Variants in PRDM16 observed in about 807,000 individuals in gnomAD.
The protein encoded by PRDM16 is histone-lysine N-methyltransferase PRDM16.
PRDM16 carries 23 observed loss-of-function variants against 110.6 expected under a neutral mutation model. That is an observed-to-expected ratio of 0.21 (90% CI 0.15 to 0.29). The LOEUF (loss-of-function observed/expected upper bound fraction) is 0.29, where lower values mean the gene tolerates loss of function less well. Among genes scored for constraint, PRDM16 ranks in the 10% least tolerant of loss-of-function variants. The pLI, the probability that PRDM16 is intolerant of heterozygous loss-of-function variation, is 1.00. For missense variants in PRDM16, 1,615 were observed against 1,794.3 expected (o/e 0.90, Z 1.81); for synonymous variants, 799 against 781.8 (o/e 1.02, Z -0.37).
At chr1:3,388,128 C>T (rs1390003442) in intron 4 of PRDM16, among the ~76,000 whole-genome samples, 1 of 152,256 alleles carries the variant, frequency 6.6e-6, no homozygotes, top group Non-Finnish European at 1.5e-5. Context: ...AACAACTTCT[C>T]TTTGAGAAGG....
chr1:3,237,250 C>G (rs545791319), intron 2 of PRDM16, among the ~76,000 whole-genome samples: 2 of 152,054 alleles, frequency 1.3e-5, no homozygotes, highest in Non-Finnish European at 2.9e-5. Flanking sequence ...AGAGCTCCCC[C>G]CAGGCTTCCC....
At chr1:3,131,403 G>A (rs970346081) in intron 1 of PRDM16, among the ~76,000 whole-genome samples, 3 of 152,180 alleles carry the variant, frequency 2.0e-5, no homozygotes, top group African/African-American at 7.2e-5. Flanking sequence ...AATGTGAGGC[G>A]GCTGTCCATT....
chr1:3,257,807 G>A (rs183360350), intron 3 of PRDM16, among the ~76,000 whole-genome samples: 20 of 152,262 alleles, frequency 1.3e-4, no homozygotes, highest in African/African-American at 4.1e-4. Context: ...CCGCACAGTC[G>A]GAGGGCTGAT....
chr1:3,170,873 T>C (rs1435298003), intron 1 of PRDM16, among the ~76,000 whole-genome samples: 1 of 152,210 alleles, frequency 6.6e-6, no homozygotes. Context: ...GCCTTCTCTG[T>C]CTGCAGCAGC....
At chr1:3,076,493 C>T (rs1430490348) in intron 1 of PRDM16, among the ~76,000 whole-genome samples, 1 of 152,204 alleles carries the variant, frequency 6.6e-6, no homozygotes, top group Non-Finnish European at 1.5e-5. Context: ...TCAGGGAAAG[C>T]GTCAGGGCAT....
rs1356923673 is a variant in PRDM16, at chr1:3,246,027, CAG to C, written c.438+1891_438+1892del. 3.3e-5 allele frequency among the ~76,000 whole-genome samples: 5 copies of C among 152,060 alleles called. No individual in the cohort carries two copies. The highest frequency in any genetic ancestry group is 7.4e-5 in the Non-Finnish European group (5 of 68,018). ...TGGGAGGGGTTGCTTGGTCTAGGAA[CAG>C]GGGTCAAGTCAGAAGGTCAAAAGGT... On this transcript the variant is annotated intron_variant, in intron 3 of 16. Transcript: ENST00000270722. The surrounding 1 kb of genome is among the most constrained non-coding windows in gnomAD (Gnocchi z 5.2).
chr1:3,111,974 G>A (rs556678989), intron 1 of PRDM16, among the ~76,000 whole-genome samples: 3 of 152,310 alleles, frequency 2.0e-5, no homozygotes, highest in Non-Finnish European at 2.9e-5. Flanking sequence ...ATGGGCCGGC[G>A]CGGCGGCGAG....
chr1:3,244,589 A>C lies in PRDM16; in HGVS notation c.438+452A>C, dbSNP rs1164750100. ...CTTCCAAAGAAGCATCGTTTTAAATAAGCAAAACCACGAGGCGAGAGAAAA... is the reference window on the plus strand; with the variant it reads ...CTTCCAAAGAAGCATCGTTTTAAATCAGCAAAACCACGAGGCGAGAGAAAA... On this transcript the variant is annotated intron_variant, in intron 3 of 16. Coordinates refer to ENST00000270722, the MANE Select transcript of PRDM16 (RefSeq NM_022114.4). This position sits in a 1 kb window ranked among gnomAD's most constrained non-coding sequence, Gnocchi z 4.1. 7.9e-5 allele frequency among the ~76,000 whole-genome samples: 12 copies of C among 152,198 alleles called. No individual in the cohort carries two copies.
At chr1:3,174,977 G>A (rs1165978459) in intron 1 of PRDM16, among the ~76,000 whole-genome samples, 4 of 152,186 alleles carry the variant, frequency 2.6e-5, no homozygotes, top group Non-Finnish European at 2.9e-5. Flanking sequence ...GGGCACAGAC[G>A]CTCAGAAGGG....
In PRDM16 at chr1:3,186,198, G is replaced by A. The variant is rs745672280; in HGVS notation, c.111G>A (p.Glu37=). Residue 37 remains glutamate (E), a synonymous_variant, in exon 2 of 17, where the codon GAG becomes GAA. Coordinates refer to ENST00000270722, the MANE Select transcript of PRDM16 (RefSeq NM_022114.4). ...TGGCCAGCCACAGCGCGGAGGACGA[G>A]GCCGAGGACAGTGCCATGTCGCCCA... is the stretch of plus-strand genomic sequence containing the variant. ...DLLASHSAED[E]AEDSAMSPIP... 6.2e-6 allele frequency: 10 copies of A among 1,612,908 alleles called. No homozygotes were observed. Among genetic ancestry groups the A allele is most frequent in the Non-Finnish European group, 7.6e-6 (9 of 1,179,986 alleles).
rs533313906 is a variant in PRDM16 at position 3,175,988 on chromosome 1, C to G, written c.38-10137C>G. Among the ~76,000 whole-genome samples the G allele has an allele frequency of 3.0e-4, 41 of 137,166 alleles. No individual in the cohort carries two copies. Among genetic ancestry groups the G allele is most frequent in the Non-Finnish European group, 5.2e-4 (32 of 61,238 alleles). 90.0% of individuals were successfully genotyped at this position (137,166 alleles called of 152,430 possible). On this transcript the variant is annotated intron_variant, in intron 1 of 16. Coordinates refer to ENST00000270722, the MANE Select transcript of PRDM16 (RefSeq NM_022114.4). This position sits in a 1 kb window ranked among gnomAD's most constrained non-coding sequence, Gnocchi z 4.8. ...TCACTCACCCATCCATCCATGCAGC[C>G]AGCCAGCCAGCCAGCCAGCCAGCCA...
intron 4 of PRDM16, among the ~76,000 whole-genome samples, chr1:3,394,829 A>G (rs1643361163): frequency 6.9e-6 from 1 of 144,526 alleles, no homozygotes; most frequent in Admixed American, 7.1e-5. Context: ...AAAAGAGACA[A>G]TGATTCAGCC....
chr1:3,282,413 A>G (rs925155555), intron 3 of PRDM16, among the ~76,000 whole-genome samples: 9 of 152,208 alleles, frequency 5.9e-5, no homozygotes, highest in African/African-American at 2.2e-4. Flanking sequence ...GGCTTAGGAC[A>G]GGCCAGGGTC....
intron 3 of PRDM16, among the ~76,000 whole-genome samples, chr1:3,355,185 G>A (rs1044727336): frequency 3.9e-5 from 6 of 152,174 alleles, no homozygotes; most frequent in African/African-American, 1.4e-4. Context: ...GGGGAGCTCC[G>A]AGCTCCAGGC....
At chr1:3,186,906 G>A (rs1489732798) in intron 2 of PRDM16, among the ~76,000 whole-genome samples, 2 of 152,178 alleles carry the variant, frequency 1.3e-5, no homozygotes, top group East Asian at 1.9e-4. Flanking sequence ...ACGCTGCCCC[G>A]GCTGCCGTCT....
In PRDM16 at chr1:3,353,457, T is replaced by C. The variant is rs189619124; in HGVS notation, c.439-31695T>C. Among the ~76,000 whole-genome samples, 121 of 152,290 alleles carry C rather than the reference T, an allele frequency of 7.9e-4. 2 individuals are homozygous for C. Among genetic ancestry groups the C allele is most frequent in the Middle Eastern group, 6.8e-3 (2 of 294 alleles). ...GCCTCTGCGTTTGTCCTTGGGGTCA[T>C]TGAGGAATCTCAGCACTGGCCCTGG... is the stretch of plus-strand genomic sequence containing the variant. On this transcript the variant is annotated intron_variant, in intron 3 of 16. Coordinates refer to ENST00000270722, the MANE Select transcript of PRDM16 (RefSeq NM_022114.4). The surrounding 1 kb of genome is among the most constrained non-coding windows in gnomAD (Gnocchi z 5.4).
intron 3 of PRDM16, among the ~76,000 whole-genome samples, chr1:3,249,501 C>T (rs1047808147): frequency 6.6e-6 from 1 of 151,792 alleles, no homozygotes; most frequent in African/African-American, 2.4e-5. Context: ...GCCGGAGTGC[C>T]GTCACTAAAC....
intron 1 of PRDM16, among the ~76,000 whole-genome samples, chr1:3,127,489 TACC>T (rs1241736697): frequency 6.6e-6 from 1 of 152,210 alleles, no homozygotes; most frequent in Admixed American, 6.5e-5. Flanking sequence ...GCAAACCAGT[TACC>T]AGCGAGCCAC....
At chr1:3,197,753 CT>C (rs1053612005) in intron 2 of PRDM16, among the ~76,000 whole-genome samples, 5 of 152,222 alleles carry the variant, frequency 3.3e-5, no homozygotes, top group African/African-American at 1.2e-4. Context: ...GAGAGGCCCC[CT>C]GAGGCCTGTG....
Sources: gnomAD v4.1 joint callset for allele counts (sites outside exome capture counted in the v4.1 genomes callset) on GRCh38, gnomAD v4.1.1 for gene constraint, Gnocchi (gnomAD v3.1) non-coding constraint, MANE v1.5 for transcripts, NCBI Gene and HGNC (gene_info 2026-07-23, HGNC 2026-07-21) for gene names.